The following MFHAS1 variants were observed in gnomAD, a reference collection of about 807,000 sequenced individuals.
MFHAS1 encodes malignant fibrous histiocytoma-amplified sequence 1.
MFHAS1 carries 50 observed loss-of-function variants against 70.4 expected under a neutral mutation model. The observed-to-expected ratio is 0.71, with a 90% CI of 0.57 to 0.90. MFHAS1 has a LOEUF of 0.90. MFHAS1 is among the 40% of genes least tolerant of loss of function. MFHAS1 has a pLI of 0.00. For synonymous variants in MFHAS1, 952 were observed against 620.0 expected (o/e 1.54, Z -7.96); for missense variants, 1,795 against 1,347.6 (o/e 1.33, Z -5.20).
chr8:8,842,827 G>C (rs888422527), intron 1 of MFHAS1, among the ~76,000 whole-genome samples: 2 of 152,168 alleles, frequency 1.3e-5, no homozygotes, highest in African/African-American at 4.8e-5. Context: ...CTTCCCACCT[G>C]ATGCTGCAGG....
Position 8,819,125 on chromosome 8 carries a change from A to T in MFHAS1, c.2999-21634T>A, listed in dbSNP as rs189521267. ...CGTGGCCAGTAAAAAAGAATCAAAC[A>T]GCTCTCTATATATCAATATTTTGCA... On this transcript the variant is annotated intron_variant, in intron 1 of 2. Transcript: ENST00000276282. Among the ~76,000 whole-genome samples, 504 of 151,278 alleles carry T rather than the reference A, an allele frequency of 3.3e-3. 6 individuals carry two copies. Among genetic ancestry groups the T allele is most frequent in the African/African-American group, 0.012 (481 of 41,414 alleles).
At chr8:8,834,927 T>C (rs1807542995) in intron 1 of MFHAS1, among the ~76,000 whole-genome samples, 1 of 152,338 alleles carries the variant, frequency 6.6e-6, no homozygotes, top group Non-Finnish European at 1.5e-5. Flanking sequence ...AAGCTACTTT[T>C]AATGAGTTCT....
intron 1 of MFHAS1, among the ~76,000 whole-genome samples, chr8:8,847,445 G>C (rs935439751): frequency 2.1e-4 from 32 of 152,312 alleles, no homozygotes; most frequent in Non-Finnish European, 2.8e-4. Flanking sequence ...GCCTGTCAAA[G>C]TGTTAAGATG....
At chr8:8,880,225 A>G (rs1809462689) in intron 1 of MFHAS1, among the ~76,000 whole-genome samples, 1 of 152,176 alleles carries the variant, frequency 6.6e-6, no homozygotes, top group South Asian at 2.1e-4. Flanking sequence ...CCTTGGAAAG[A>G]AAGTTGCTAC....
chr8:8,857,298 T>G (rs888644064), intron 1 of MFHAS1, among the ~76,000 whole-genome samples: 4 of 152,194 alleles, frequency 2.6e-5, no homozygotes, highest in African/African-American at 9.6e-5. Flanking sequence ...AGCACAAGTT[T>G]GCTCCTAATT....
chr8:8,864,276 C>T (rs1419251757), intron 1 of MFHAS1, among the ~76,000 whole-genome samples: 2 of 152,198 alleles, frequency 1.3e-5, no homozygotes. Context: ...CCATTTTCTG[C>T]CCCTATGCTC....
chr8:8,814,966 T>C (rs1310169193), intron 1 of MFHAS1, among the ~76,000 whole-genome samples: 8 of 151,640 alleles, frequency 5.3e-5, no homozygotes, highest in Non-Finnish European at 1.0e-4. Context: ...ACCCATCACC[T>C]AGGTATTAAG....
chr8:8,796,123 C>T (rs892498026), intron 2 of MFHAS1, among the ~76,000 whole-genome samples: 4 of 152,088 alleles, frequency 2.6e-5, no homozygotes, highest in African/African-American at 9.7e-5. Flanking sequence ...TACATAAAAC[C>T]CAAACCAACA....
At position 8,891,118 on chromosome 8, in the gene MFHAS1, C is replaced by A. The variant is rs1046066431; in HGVS notation, c.1941G>T (p.Glu647Asp). Residue 647 changes from glutamate to aspartate, a missense_variant, in exon 1 of 3, where the codon GAG becomes GAT. Physicochemically the swap from Glu to Asp is conservative, Grantham distance 45 (BLOSUM62 2). Transcript: ENST00000276282. The surrounding 1 kb of genome is among the most constrained non-coding windows in gnomAD (Gnocchi z 5.4). ...GTAAGTTGGGGAAGATCTCTCGGTG[C>A]TCAGCAACTGACAGCAACTTGTCCC... ...RLRDKLLSVA[E>D]HREIFPNLHR... The A allele has an allele frequency of 6.2e-7, 1 of 1,613,766 alleles. No individual in the cohort carries two copies. Among genetic ancestry groups the A allele is most frequent in the Admixed American group, 1.7e-5 (1 of 60,004 alleles).
intron 2 of MFHAS1, among the ~76,000 whole-genome samples, chr8:8,794,206 A>T (rs1028551089): frequency 6.6e-6 from 1 of 151,938 alleles, no homozygotes; most frequent in South Asian, 2.1e-4. Context: ...GAAAAAAAAA[A>T]GCCTGACCTC....
At chr8:8,855,402 G>A (rs1360339660) in intron 1 of MFHAS1, among the ~76,000 whole-genome samples, 8 of 152,218 alleles carry the variant, frequency 5.3e-5, no homozygotes, top group South Asian at 2.1e-4. Flanking sequence ...GATTGGAGGC[G>A]CTTTCCAAGC....
At chr8:8,815,530 T>C (rs1420768439) in intron 1 of MFHAS1, among the ~76,000 whole-genome samples, 1 of 152,210 alleles carries the variant, frequency 6.6e-6, no homozygotes, top group Non-Finnish European at 1.5e-5. Flanking sequence ...CAGCATCTGT[T>C]GCTTCTTGAC....
chr8:8,787,099 G>A lies in MFHAS1; in HGVS notation c.3126-1044C>T, dbSNP rs1272480898. Among the ~76,000 whole-genome samples the A allele has an allele frequency of 7.7e-5, 7 of 91,368 alleles. No individual in the cohort carries two copies. In the South Asian group the frequency reaches 2.8e-3, roughly 36 times the overall value. The allele number at this position is 91,368 out of a possible 152,430, so 59.9% of individuals were successfully genotyped here. On this transcript the variant is annotated intron_variant, in intron 2 of 2. Coordinates refer to ENST00000276282, the MANE Select transcript of MFHAS1 (RefSeq NM_004225.3). ...GTATTATTATTATTTTTTTTTTTTT[G>A]AGACAGAGTCTCGCTCTGTTGCCCA...
chr8:8,803,604 C>A (rs1563181068), intron 1 of MFHAS1, among the ~76,000 whole-genome samples: 3 of 151,330 alleles, frequency 2.0e-5, no homozygotes, highest in African/African-American at 7.3e-5. Context: ...ATTCCCTAAA[C>A]AAAATAGTAT....
intron 1 of MFHAS1, among the ~76,000 whole-genome samples, chr8:8,884,396 G>C (rs1314855839): frequency 6.6e-6 from 1 of 152,150 alleles, no homozygotes; most frequent in Non-Finnish European, 1.5e-5. Context: ...AAAAACCTTT[G>C]TAAAATTAAA....
At chr8:8,878,971 C>G (rs1195951433) in intron 1 of MFHAS1, among the ~76,000 whole-genome samples, 1 of 152,154 alleles carries the variant, frequency 6.6e-6, no homozygotes, top group Non-Finnish European at 1.5e-5. Flanking sequence ...TTGGAGTCAG[C>G]ATTCATATAG....
In MFHAS1 at chr8:8,892,075, A is replaced by C; in HGVS notation, c.984T>G (p.Asn328Lys). The C allele has an allele frequency of 6.2e-7, 1 of 1,613,128 alleles. No homozygotes were observed. Among genetic ancestry groups the C allele is most frequent in the Non-Finnish European group, 8.5e-7 (1 of 1,179,972 alleles). ...LGRLLTLWLD[N>K]NRIRYLPDSI... is the part of the protein sequence containing the mutation. The stretch of plus-strand genomic sequence containing the variant: ...AGTCCGGCAGGTAGCGGATGCGGTT[A>C]TTATCCAGCCACAAGGTGAGAAGCC... The change falls in exon 1 of 3, where the codon AAT becomes AAG. Residue 328 changes from asparagine to lysine, a missense_variant. Asn to Lys is a moderately conservative substitution (Grantham distance 94). Coordinates refer to ENST00000276282, the MANE Select transcript of MFHAS1 (RefSeq NM_004225.3). This position sits in a 1 kb window ranked among gnomAD's most constrained non-coding sequence, Gnocchi z 4.7.
rs1367316667 is a variant in MFHAS1, at chr8:8,892,967, T to G, written c.92A>C (p.Gln31Pro). ...GGCCCCGGCGGCGGTAAGCGTGAGC[T>G]GGCGCAGGTTGCTCCGCAGCTTCCT... Reference protein sequence around the residue: ...RARKLRSNLRQLTLTAAGACP... With the variant: ...RARKLRSNLRPLTLTAAGACP... The change falls in exon 1 of 3, where the codon CAG becomes CCG. Residue 31 changes from glutamine to proline, a missense_variant. Gln to Pro is a moderately conservative substitution (Grantham distance 76, BLOSUM62 -1). Coordinates refer to ENST00000276282, the MANE Select transcript of MFHAS1 (RefSeq NM_004225.3). This position sits in a 1 kb window ranked among gnomAD's most constrained non-coding sequence, Gnocchi z 4.7. 1.3e-6 allele frequency: 2 copies of G among 1,541,470 alleles called. No homozygotes were observed. Among genetic ancestry groups the G allele is most frequent in the East Asian group, 2.5e-5 (1 of 39,634 alleles).
chr8:8,855,843 G>A (rs551695143), intron 1 of MFHAS1, among the ~76,000 whole-genome samples: 34 of 152,264 alleles, frequency 2.2e-4, no homozygotes, highest in Middle Eastern at 3.4e-3. Flanking sequence ...GCAACAGAGT[G>A]AGACGCCGTC....
Sources: allele counts gnomAD v4.1 joint callset (sites outside exome capture counted in the v4.1 genomes callset), GRCh38; gene constraint gnomAD v4.1.1; non-coding constraint Gnocchi (gnomAD v3.1); transcripts MANE v1.5; gene names NCBI Gene and HGNC (gene_info 2026-07-23, HGNC 2026-07-21).